Variants in LSM14A observed in about 807,000 individuals in gnomAD.
LSM14A encodes protein LSM14 homolog A.
Under a neutral mutation model 52.4 loss-of-function variants are expected in LSM14A, and 14 were observed. The observed-to-expected ratio is 0.27, with a 90% confidence interval of 0.18 to 0.42. LSM14A has a LOEUF of 0.42. LSM14A is among the 10% of genes least tolerant of loss of function. LSM14A has a pLI of 1.00. For missense variants in LSM14A, 417 were observed against 581.8 expected, an observed-to-expected ratio of 0.72 and a Z score of 2.91; for synonymous variants, 185 against 200.3, an observed-to-expected ratio of 0.92 and a Z score of 0.64.
chr19:34,194,396 T>C, intron 1 of LSM14A, 82 bp from the exon 2 acceptor site: 1 of 1,248,714 alleles, frequency 8.0e-7, no homozygotes. Context: ...GCTTAGTACT[T>C]GAAATACAAC....
At position 34,219,890 on chromosome 19, in the gene LSM14A, A is replaced by T. The variant is rs769443455; in HGVS notation, c.1136+13A>T. The T allele has an allele frequency of 6.3e-7, 1 of 1,581,336 alleles. No individual in the cohort carries two copies. Among genetic ancestry groups the T allele is most frequent in the South Asian group, 1.1e-5 (1 of 88,300 alleles). ...GTGATGACAATAGGTACAGTTTTTA[A>T]GCTGTTCTTTTATCTTATGATATTG... On this transcript the variant is annotated intron_variant, in intron 8 of 9. Coordinates refer to ENST00000544216, the MANE Select transcript of LSM14A (RefSeq NM_015578.4).
At chr19:34,185,153 G>C (rs2069799987) in intron 1 of LSM14A, among the ~76,000 whole-genome samples, 1 of 152,188 alleles carries the variant, frequency 6.6e-6, no homozygotes, top group South Asian at 2.1e-4. Context: ...GTAACCTCTA[G>C]AGTTAAGTGC....
intron 1 of LSM14A, among the ~76,000 whole-genome samples, chr19:34,190,452 A>T (rs536205975): frequency 2.0e-5 from 3 of 151,908 alleles, no homozygotes; most frequent in African/African-American, 7.2e-5. Context: ...AAATTCTACT[A>T]TGGGTTATTT....
chr19:34,197,158 C>G (rs1464334483), intron 3 of LSM14A, among the ~76,000 whole-genome samples: 2 of 152,124 alleles, frequency 1.3e-5, no homozygotes, highest in Non-Finnish European at 2.9e-5. Context: ...GTGGCACTAT[C>G]TTGGCTCACT....
chr19:34,193,139 T>C (rs2070575069), intron 1 of LSM14A, among the ~76,000 whole-genome samples: 1 of 152,182 alleles, frequency 6.6e-6, no homozygotes, highest in South Asian at 2.1e-4. Flanking sequence ...TATGTATTTA[T>C]AAGAAACTTG....
intron 3 of LSM14A, among the ~76,000 whole-genome samples, chr19:34,206,254 C>G (rs1303243771): frequency 6.6e-6 from 1 of 152,144 alleles, no homozygotes; most frequent in Non-Finnish European, 1.5e-5. Context: ...GCCTGTAGTC[C>G]CAGTAACTCA....
intron 8 of LSM14A, 97 bp downstream of exon 8, chr19:34,219,974 T>C: frequency 2.4e-6 from 2 of 838,828 alleles, no homozygotes; most frequent in Non-Finnish European, 3.8e-6. Flanking sequence ...CTACCATAAT[T>C]GTTTTGTTTT....
chr19:34,182,438 C>G (rs1371265366), intron 1 of LSM14A, among the ~76,000 whole-genome samples: 1 of 151,942 alleles, frequency 6.6e-6, no homozygotes, highest in Non-Finnish European at 1.5e-5. Context: ...TTCTCTATTC[C>G]TGGAATTCAC....
chr19:34,209,075 A>G, intron 4 of LSM14A, 24 bp downstream of exon 4: 1 of 1,528,456 alleles, frequency 6.5e-7, no homozygotes, highest in Non-Finnish European at 8.8e-7. Context: ...TCCCTAAAAT[A>G]TTTCCATTCT....
intron 8 of LSM14A, 178 bp from the exon 9 acceptor site, chr19:34,221,329 C>T (rs1327610509): frequency 1.1e-5 from 7 of 664,408 alleles, no homozygotes; most frequent in Non-Finnish European, 1.7e-5. Context: ...GCGATCCGCC[C>T]CCTCGGCCTC....
At chr19:34,206,777 C>T (rs968601562) in intron 3 of LSM14A, among the ~76,000 whole-genome samples, 1 of 152,284 alleles carries the variant, frequency 6.6e-6, no homozygotes, top group East Asian at 1.9e-4. Flanking sequence ...TGGATCGTTA[C>T]AAGAAAATTA....
chr19:34,193,825 A>G (rs934986173), intron 1 of LSM14A, among the ~76,000 whole-genome samples: 3 of 152,202 alleles, frequency 2.0e-5, no homozygotes, highest in African/African-American at 4.8e-5. Context: ...TCCTTCCCCA[A>G]GAAAGACATG....
intron 4 of LSM14A, among the ~76,000 whole-genome samples, chr19:34,210,887 A>G (rs2072092820): frequency 6.6e-6 from 1 of 152,016 alleles, no homozygotes; most frequent in Non-Finnish European, 1.5e-5. Context: ...TGGAATTTTT[A>G]GTTAAATCAG....
intron 1 of LSM14A, among the ~76,000 whole-genome samples, chr19:34,189,638 T>A (rs972827268): frequency 1.3e-5 from 2 of 151,508 alleles, no homozygotes; most frequent in Non-Finnish European, 2.9e-5. Flanking sequence ...AAAAAAAAAA[T>A]GATTAGAACA....
intron 3 of LSM14A, among the ~76,000 whole-genome samples, chr19:34,198,522 A>G (rs560144424): frequency 2.6e-4 from 39 of 152,270 alleles, no homozygotes; most frequent in Admixed American, 1.1e-3. Context: ...AGGCTGAGGT[A>G]GGAGAATCGC....
At chr19:34,182,415 C>T (rs2069547096) in intron 1 of LSM14A, among the ~76,000 whole-genome samples, 1 of 152,052 alleles carries the variant, frequency 6.6e-6, no homozygotes, top group Non-Finnish European at 1.5e-5. Flanking sequence ...TCTCTGGAAG[C>T]TTTTATTTAG....
chr19:34,174,585 T>C (rs2068951180), intron 1 of LSM14A, among the ~76,000 whole-genome samples: 1 of 152,242 alleles, frequency 6.6e-6, no homozygotes, highest in South Asian at 2.1e-4. Flanking sequence ...TTGGTGTTTA[T>C]TAAAGACTTT....
intron 4 of LSM14A, among the ~76,000 whole-genome samples, chr19:34,213,015 G>T (rs1271179026): frequency 6.6e-6 from 1 of 152,056 alleles, no homozygotes; most frequent in Non-Finnish European, 1.5e-5. Flanking sequence ...GCAAGGTGTG[G>T]TAGCGCACAT....
chr19:34,211,978 A>C (rs1343809459), intron 4 of LSM14A, among the ~76,000 whole-genome samples: 1 of 152,192 alleles, frequency 6.6e-6, no homozygotes, highest in South Asian at 2.1e-4. Flanking sequence ...TGACATGATA[A>C]TAAAATGTAG....
Sources: allele counts gnomAD v4.1 joint callset (sites outside exome capture counted in the v4.1 genomes callset), GRCh38; gene constraint gnomAD v4.1.1; transcripts MANE v1.5; gene names NCBI Gene and HGNC (gene_info 2026-07-23, HGNC 2026-07-21).